YEATS2: variants seen among roughly 807,000 people sequenced by gnomAD.
YEATS2 encodes the protein YEATS domain-containing protein 2.
A neutral mutation model predicts 163.2 loss-of-function variants in YEATS2; 77 were observed. That is an observed-to-expected ratio of 0.47 (90% CI 0.39 to 0.57). The LOEUF is 0.57. YEATS2 is among the 20% of genes least tolerant of loss of function. The probability of loss-of-function intolerance (pLI) is 0.00; values close to 1 mark genes in which losing one functional copy is unlikely to be tolerated. For synonymous variants in YEATS2, 631 were observed against 645.1 expected, an observed-to-expected ratio of 0.98 and a Z score of 0.33; for missense variants, 1,549 against 1,729.8, an observed-to-expected ratio of 0.90 and a Z score of 1.85.
chr3:183,804,039 AT>A lies in YEATS2; in HGVS notation c.3636del (p.Pro1213ArgfsTer6), dbSNP rs1725941543. ...GTCTTACAAGAAATCCTGGAGAAGA[AT>A]CCGAGATTTCACCACCTGACTCCCC... is the stretch of plus-strand genomic sequence containing the variant. ...RKVLQEILEK[N>X]PRFHHLTPLK... On this transcript the variant is annotated frameshift_variant, in exon 27 of 31. Coordinates refer to ENST00000305135, the MANE Select transcript of YEATS2 (RefSeq NM_018023.5). LOFTEE classifies it high-confidence loss of function. 1 of 1,614,032 alleles carries A rather than the reference AT, an allele frequency of 6.2e-7. No individual in the cohort carries two copies. Among genetic ancestry groups the A allele is most frequent in the Admixed American group, 1.7e-5 (1 of 60,002 alleles).
Position 183,786,280 on chromosome 3 carries a change from A to G in YEATS2, c.2892A>G (p.Ser964=), listed in dbSNP as rs892118763. 6.2e-7 allele frequency: 1 copy of G among 1,613,630 alleles called. No homozygotes were observed. Among genetic ancestry groups the G allele is most frequent in the Admixed American group, 1.7e-5 (1 of 59,996 alleles). The part of the protein sequence containing the change: ...TTATSPAVAL[S]ANGPAQQSEG... ...CCACTTCCCCTGCCGTGGCCCTCTC[A>G]GCAAACGGTCCTGCACAACAGGTGA... The change falls in exon 20 of 31, where the codon TCA becomes TCG. Residue 964 remains serine, a synonymous_variant. Coordinates refer to ENST00000305135, the MANE Select transcript of YEATS2 (RefSeq NM_018023.5).
intron 1 of YEATS2, among the ~76,000 whole-genome samples, chr3:183,701,563 T>C (rs1270155345): frequency 6.6e-6 from 1 of 151,926 alleles, no homozygotes; most frequent in Non-Finnish European, 1.5e-5. Flanking sequence ...ATTTTTTTCT[T>C]TTTCTTTTTC....
intron 3 of YEATS2, among the ~76,000 whole-genome samples, chr3:183,717,966 C>T (rs262985): frequency 0.073 from 10,851 of 149,128 alleles, 466 homozygotes; most frequent in East Asian, 0.14. Flanking sequence ...ACCTGGAATT[C>T]CATTCAAAAA....
chr3:183,698,502 G>A (rs1399866277), intron 1 of YEATS2, among the ~76,000 whole-genome samples: 3 of 152,214 alleles, frequency 2.0e-5, no homozygotes, highest in Non-Finnish European at 4.4e-5. Context: ...GGGCGGAGTG[G>A]AAGCCTCGGA....
At chr3:183,790,101 A>G (rs1258892337) in intron 20 of YEATS2, among the ~76,000 whole-genome samples, 2 of 152,080 alleles carry the variant, frequency 1.3e-5, no homozygotes, top group East Asian at 1.9e-4. Flanking sequence ...CCAACTTTCT[A>G]CATACTCTCC....
intron 15 of YEATS2, among the ~76,000 whole-genome samples, chr3:183,769,175 A>G (rs1443552109): frequency 1.3e-5 from 2 of 152,120 alleles, no homozygotes; most frequent in African/African-American, 4.8e-5. Flanking sequence ...CCACATGCCT[A>G]TTACCCAGTT....
At chr3:183,799,781 G>A (rs147772382) in intron 23 of YEATS2, among the ~76,000 whole-genome samples, 218 of 151,034 alleles carry the variant, frequency 1.4e-3, no homozygotes, top group Middle Eastern at 3.5e-3. Context: ...GTATTAGAAC[G>A]TAGAACAAAC....
At chr3:183,798,107 A>G in intron 22 of YEATS2, 56 bp downstream of exon 22, 1 of 1,602,842 alleles carries the variant, frequency 6.2e-7, no homozygotes, top group Non-Finnish European at 8.5e-7. Flanking sequence ...ATCTCCCCGC[A>G]TTTACCAGGT....
intron 9 of YEATS2, among the ~76,000 whole-genome samples, chr3:183,748,034 T>C (rs1244587891): frequency 1.3e-5 from 2 of 151,934 alleles, no homozygotes; most frequent in South Asian, 4.2e-4. Flanking sequence ...AAAAAATTAG[T>C]GTTAGTTTTT....
At chr3:183,808,548 C>T (rs1726463825) in intron 29 of YEATS2, among the ~76,000 whole-genome samples, 1 of 152,238 alleles carries the variant, frequency 6.6e-6, no homozygotes, top group Non-Finnish European at 1.5e-5. Context: ...TCCGTAACAA[C>T]TGCTTTCCTT....
In YEATS2 at chr3:183,810,456, C is replaced by G. The variant is rs1159134228; in HGVS notation, c.4161-19C>G. ...GTGAGAGAATTTCACCTGGTAACAC[C>G]CTTTGTTTTTTGGACCAGGATTCCC... On this transcript the variant is annotated intron_variant, in intron 30 of 30. Transcript: ENST00000305135. The G allele has an allele frequency of 6.3e-7, 1 of 1,597,952 alleles. No homozygotes were observed. Among genetic ancestry groups the G allele is most frequent in the Non-Finnish European group, 8.6e-7 (1 of 1,165,946 alleles).
chr3:183,736,901 A>G (rs1718398857), intron 8 of YEATS2, 72 bp downstream of exon 8: 1 of 1,369,412 alleles, frequency 7.3e-7, no homozygotes, highest in South Asian at 1.3e-5. Flanking sequence ...CTTGAATAGC[A>G]TGGCGGTTAA....
chr3:183,795,945 C>T lies in YEATS2; in HGVS notation c.3098-1978C>T, dbSNP rs34765161. Among the ~76,000 whole-genome samples, 1,072 of 149,972 alleles carry T rather than the reference C, an allele frequency of 7.1e-3. 10 individuals carry two copies. Among genetic ancestry groups the T allele is most frequent in the Non-Finnish European group, 0.01 (686 of 67,714 alleles). ...TCCTTAGCTCAGACCAGCTGCTTTCCGGTGCCTTAAAGTATCTTTAGCTCT... is the reference window on the plus strand; with the variant it reads ...TCCTTAGCTCAGACCAGCTGCTTTCTGGTGCCTTAAAGTATCTTTAGCTCT... On this transcript the variant is annotated intron_variant, in intron 21 of 30. Coordinates refer to ENST00000305135, the MANE Select transcript of YEATS2 (RefSeq NM_018023.5).
At chr3:183,805,896 C>T (rs1233748121) in intron 27 of YEATS2, among the ~76,000 whole-genome samples, 1 of 152,088 alleles carries the variant, frequency 6.6e-6, no homozygotes, top group Non-Finnish European at 1.5e-5. Flanking sequence ...ATATCAACAG[C>T]ATGAGGGCTT....
At chr3:183,730,341 A>G (rs1717651945) in intron 7 of YEATS2, among the ~76,000 whole-genome samples, 1 of 152,090 alleles carries the variant, frequency 6.6e-6, no homozygotes. Context: ...CTGAGATTAT[A>G]GGCATGAGCT....
chr3:183,796,807 T>C (rs1179844824), intron 21 of YEATS2, among the ~76,000 whole-genome samples: 1 of 152,144 alleles, frequency 6.6e-6, no homozygotes, highest in Non-Finnish European at 1.5e-5. Flanking sequence ...TAAATTGTCA[T>C]AGAAAACAAA....
intron 8 of YEATS2, among the ~76,000 whole-genome samples, chr3:183,741,967 G>A (rs1719021975): frequency 6.6e-6 from 1 of 151,848 alleles, no homozygotes; most frequent in Admixed American, 6.6e-5. Context: ...CCAGCCCTTT[G>A]GGAGGCCAAG....
intron 7 of YEATS2, among the ~76,000 whole-genome samples, chr3:183,729,683 T>C (rs1717509696): frequency 6.6e-6 from 1 of 152,112 alleles, no homozygotes; most frequent in African/African-American, 2.4e-5. Context: ...TACATTTTTT[T>C]TTTTTGAGAC....
At position 183,772,509 on chromosome 3, in the gene YEATS2, A is replaced by C. The variant is rs766178745; in HGVS notation, c.2152A>C (p.Thr718Pro). ...TGTTGCTCAGCCAGTGCAGACCTTAACCAAGGCCCAGGTTACTGCCGCTGG... is the reference window on the plus strand; with the variant it reads ...TGTTGCTCAGCCAGTGCAGACCTTACCCAAGGCCCAGGTTACTGCCGCTGG... ...TIVAQPVQTL[T>P]KAQVTAAGPQ... The change falls in exon 16 of 31, where the codon ACC (threonine) becomes CCC (proline). Residue 718 changes from threonine (T) to proline (P), a missense_variant. Transcript: ENST00000305135. 1 of 1,614,094 alleles carries C rather than the reference A, an allele frequency of 6.2e-7. No homozygotes were observed.
Sources: allele counts gnomAD v4.1 joint callset (sites outside exome capture counted in the v4.1 genomes callset), GRCh38; gene constraint gnomAD v4.1.1; transcripts MANE v1.5; gene names NCBI Gene and HGNC (gene_info 2026-07-23, HGNC 2026-07-21).